CSF2RB: variants seen among roughly 807,000 people sequenced by gnomAD.
The protein encoded by CSF2RB is cytokine receptor common subunit beta.
In CSF2RB, 22 loss-of-function variants were observed where a neutral mutation model predicts 67.2. The observed-to-expected ratio is 0.33, with a 90% confidence interval of 0.23 to 0.47. The LOEUF (loss-of-function observed/expected upper bound fraction) is 0.47, where lower values mean the gene tolerates loss of function less well. Among genes scored for constraint, CSF2RB ranks in the 20% least tolerant of loss-of-function variants. The probability of loss-of-function intolerance (pLI) is 1.00; values close to 1 mark genes in which losing one functional copy is unlikely to be tolerated. For synonymous variants in CSF2RB, 507 were observed against 482.9 expected, an observed-to-expected ratio of 1.05 and a Z score of -0.65; for missense variants, 1,113 against 1,174.5, an observed-to-expected ratio of 0.95 and a Z score of 0.76.
chr22:36,925,592 CT>C (rs1940996312), intron 3 of CSF2RB, among the ~76,000 whole-genome samples: 1 of 152,180 alleles, frequency 6.6e-6, no homozygotes, highest in Non-Finnish European at 1.5e-5. Context: ...GTCCCAGGGC[CT>C]TTGCACGTGC....
rs373253443 is a variant in CSF2RB at position 36,923,379 on chromosome 22, T to C, written c.200+12T>C. On this transcript the variant is annotated intron_variant, in intron 3 of 13. Coordinates refer to ENST00000403662, the MANE Select transcript of CSF2RB (RefSeq NM_000395.3). ...CGCCGGGTGAATGAGTGAGTGATGC[T>C]GGGGGCAGGGGCCACGGGCAGGGGC... 1.1e-4 allele frequency: 174 copies of C among 1,613,110 alleles called. No individual in the cohort carries two copies. The highest frequency in any genetic ancestry group is 1.4e-4 in the Non-Finnish European group (161 of 1,179,550).
chr22:36,936,373 C>T (rs996491831), intron 12 of CSF2RB, among the ~76,000 whole-genome samples, 176 bp from the exon 13 acceptor site: 2 of 152,154 alleles, frequency 1.3e-5, no homozygotes, highest in Non-Finnish European at 2.9e-5. Flanking sequence ...GAAGTCCCCG[C>T]CCCTCTCTGG....
chr22:36,935,380 G>C lies in CSF2RB; in HGVS notation c.1345G>C (p.Val449Leu). The C allele has an allele frequency of 2.5e-6, 4 of 1,614,154 alleles. No individual in the cohort carries two copies. The highest frequency in any genetic ancestry group is 3.4e-6 in the Non-Finnish European group (4 of 1,180,032). ...VLPMWVLALI[V>L]IFLTIAVLLA... ...GCCTATGTGGGTGCTGGCCCTCATC[G>C]TGATCTTCCTCACCATCGCTGTGCT... Residue 449 changes from valine (V) to leucine (L), a missense_variant, in exon 11 of 14, where the codon GTG becomes CTG. Around this residue, in one of 2 missense-constraint regions of CSF2RB, gnomAD observed 559 missense variants for 656.5 expected, o/e 0.85. Coordinates refer to ENST00000403662, the MANE Select transcript of CSF2RB (RefSeq NM_000395.3).
chr22:36,935,559 C>T, intron 11 of CSF2RB, 71 bp from the exon 12 acceptor site: 1 of 1,610,814 alleles, frequency 6.2e-7, no homozygotes, highest in South Asian at 1.1e-5. Context: ...TCAGTTTCCC[C>T]TCTGGGCATG....
At position 36,932,623 on chromosome 22, in the gene CSF2RB, T is replaced by C. The variant is rs182139452; in HGVS notation, c.1013-142T>C. On this transcript the variant is annotated intron_variant, in intron 8 of 13. Coordinates refer to ENST00000403662, the MANE Select transcript of CSF2RB (RefSeq NM_000395.3). ...CAGGTCAAAACATGATATAGTGAAG[T>C]GGGGATGAAAAGGATCCAACCATGG... 3.3e-5 allele frequency: 30 copies of C among 898,838 alleles called. 1 individual carries two copies. In the Admixed American group the frequency reaches 4.0e-4, roughly 12 times the overall value. The allele number at this position is 898,838 out of a possible 1,614,324, so 55.7% of individuals were successfully genotyped here.
At chr22:36,920,889 T>A (rs565330881) in intron 1 of CSF2RB, among the ~76,000 whole-genome samples, 28 of 152,346 alleles carry the variant, frequency 1.8e-4, no homozygotes, top group East Asian at 1.2e-3. Context: ...AGCATTTTTT[T>A]AAATTTAATA....
At chr22:36,927,851 A>T (rs1941056555) in intron 4 of CSF2RB, among the ~76,000 whole-genome samples, 1 of 152,186 alleles carries the variant, frequency 6.6e-6, no homozygotes, top group South Asian at 2.1e-4. Context: ...ACAACTGGCT[A>T]GGAGATGGGG....
intron 9 of CSF2RB, among the ~76,000 whole-genome samples, chr22:36,933,313 C>T (rs2145814621): frequency 6.6e-6 from 1 of 152,314 alleles, no homozygotes; most frequent in East Asian, 1.9e-4. Flanking sequence ...GCGCCCAGGC[C>T]AGGGCTCGGT....
At chr22:36,924,254 A>T (rs955823244) in intron 3 of CSF2RB, among the ~76,000 whole-genome samples, 1 of 76,464 alleles carries the variant, frequency 1.3e-5, no homozygotes, top group Admixed American at 1.4e-4. Flanking sequence ...CTCCCCACCC[A>T]CCCCACACTC....
chr22:36,933,719 C>A (rs1358771398), intron 9 of CSF2RB, 113 bp from the exon 10 acceptor site: 2 of 1,403,916 alleles, frequency 1.4e-6, no homozygotes, highest in African/African-American at 2.8e-5. Context: ...CCGCAGCAGG[C>A]CTGGGGTATG....
At chr22:36,920,128 C>G (rs777387198) in intron 1 of CSF2RB, among the ~76,000 whole-genome samples, 3 of 152,228 alleles carry the variant, frequency 2.0e-5, no homozygotes, top group Non-Finnish European at 2.9e-5. Flanking sequence ...GTATTCATAT[C>G]CGTAAAACCT....
intron 1 of CSF2RB, among the ~76,000 whole-genome samples, chr22:36,921,486 C>T (rs1940869002): frequency 6.6e-6 from 1 of 151,576 alleles, no homozygotes; most frequent in Admixed American, 6.6e-5. Context: ...TGTGTGTTTG[C>T]ATGGGCATCT....
rs566219618 is a variant in CSF2RB, at chr22:36,923,523, T to C, written c.200+156T>C. Among the ~76,000 whole-genome samples the C allele has an allele frequency of 5.9e-5, 9 of 152,284 alleles. No individual in the cohort carries two copies. In the East Asian group the frequency reaches 1.7e-3, roughly 29 times the overall value. ...AGGGAGGCCCTGCAAGAGCTCCTGCTCCGCCAGGCACCTGCGAGGCCGGGT... is the reference window on the plus strand; with the variant it reads ...AGGGAGGCCCTGCAAGAGCTCCTGCCCCGCCAGGCACCTGCGAGGCCGGGT... On this transcript the variant is annotated intron_variant, in intron 3 of 13. Coordinates refer to ENST00000403662, the MANE Select transcript of CSF2RB (RefSeq NM_000395.3).
rs1020107084 is a variant in CSF2RB, at chr22:36,923,703, G to A, written c.200+336G>A. On this transcript the variant is annotated intron_variant, in intron 3 of 13. Transcript: ENST00000403662. ...TCTTAGTTCCTCCTCACTGTGAGGT[G>A]GGCAGGGCCAGGCCACGAAGCCCCA... is the stretch of plus-strand genomic sequence containing the variant. The A allele has an allele frequency of 1.1e-5, 14 of 1,324,348 alleles. No homozygotes were observed. In the Admixed American group the frequency reaches 1.6e-4, roughly 15 times the overall value. The allele number at this position is 1,324,348 out of a possible 1,614,324, so 82.0% of individuals were successfully genotyped here.
Position 36,937,653 on chromosome 22 carries a change from T to A in CSF2RB, c.1845T>A (p.Gly615=), listed in dbSNP as rs1350325983. Residue 615 remains glycine (G), a synonymous_variant, in exon 14 of 14, where the codon GGT becomes GGA. Coordinates refer to ENST00000403662, the MANE Select transcript of CSF2RB (RefSeq NM_000395.3). The surrounding 1 kb of genome is among the most constrained non-coding windows in gnomAD (Gnocchi z 4.6). ...GCCAGCCGGAGCCCCCACAGGAGGGTGGGAGCCAGAAGTCCCCACCTCCAG... is the reference window on the plus strand; with the variant it reads ...GCCAGCCGGAGCCCCCACAGGAGGGAGGGAGCCAGAAGTCCCCACCTCCAG... ...ILGQPEPPQE[G]GSQKSPPPGS... The A allele has an allele frequency of 1.9e-6, 3 of 1,555,284 alleles. No individual in the cohort carries two copies. Among genetic ancestry groups the A allele is most frequent in the Middle Eastern group, 3.3e-4 (2 of 5,982 alleles).
rs139734814 is a variant in CSF2RB at position 36,937,401 on chromosome 22, C to G, written c.1593C>G (p.Asp531Glu). The G allele has an allele frequency of 3.3e-5, 53 of 1,613,888 alleles. No individual in the cohort carries two copies. In the East Asian group the frequency reaches 1.1e-3, roughly 33 times the overall value. Reference protein sequence around the residue: ...LEGVFPVGFGDSEVSPLTIED... With the variant: ...LEGVFPVGFGESEVSPLTIED... ...GGGTGTTCCCTGTAGGATTCGGGGA[C>G]AGCGAGGTGTCACCTCTCACCATAG... Residue 531 changes from aspartate (D) to glutamate (E), a missense_variant, in exon 14 of 14, where the codon GAC (aspartate) becomes GAG (glutamate). Transcript: ENST00000403662. The surrounding 1 kb of genome is among the most constrained non-coding windows in gnomAD (Gnocchi z 4.6).
chr22:36,916,520 C>T (rs1043904673), intron 1 of CSF2RB, among the ~76,000 whole-genome samples: 2 of 152,080 alleles, frequency 1.3e-5, no homozygotes, highest in African/African-American at 2.4e-5. Flanking sequence ...ATTTTTCTAA[C>T]GAATGGAGCA....
intron 4 of CSF2RB, 96 bp downstream of exon 4, chr22:36,926,273 G>A: frequency 7.8e-7 from 1 of 1,289,742 alleles, no homozygotes; most frequent in East Asian, 2.3e-5. Flanking sequence ...AGAAGGCTGT[G>A]GCTTGGGGTT....
Position 36,938,452 on chromosome 22 carries a change from T to C in CSF2RB, c.2644T>C (p.Tyr882His). The change falls in exon 14 of 14, where the codon TAC becomes CAC. Residue 882 changes from tyrosine to histidine, a missense_variant. Physicochemically the swap from Tyr to His is moderately conservative, Grantham distance 83 (BLOSUM62 2). Coordinates refer to ENST00000403662, the MANE Select transcript of CSF2RB (RefSeq NM_000395.3). ...QLFKALKQQD[Y>H]LSLPPWEVNK... ...CTTCAAAGCCCTGAAGCAGCAGGACTACCTGTCTCTGCCCCCTTGGGAGGT... is the reference window on the plus strand; with the variant it reads ...CTTCAAAGCCCTGAAGCAGCAGGACCACCTGTCTCTGCCCCCTTGGGAGGT... The C allele has an allele frequency of 6.2e-7, 1 of 1,614,160 alleles. No homozygotes were observed. Among genetic ancestry groups the C allele is most frequent in the Non-Finnish European group, 8.5e-7 (1 of 1,180,006 alleles).
Sources: gnomAD v4.1 joint callset for allele counts (sites outside exome capture counted in the v4.1 genomes callset) on GRCh38, gnomAD v4.1.1 for gene constraint, gnomAD v4.1.1 regional missense constraint, Gnocchi (gnomAD v3.1) non-coding constraint, MANE v1.5 for transcripts, NCBI Gene and HGNC (gene_info 2026-07-23, HGNC 2026-07-21) for gene names.